ZNF808: variants seen among roughly 807,000 people sequenced by gnomAD.
ZNF808 encodes the protein zinc finger protein 808.
Under a neutral mutation model 8.7 loss-of-function variants are expected in ZNF808, and 5 were observed. That is an observed-to-expected ratio of 0.58 (90% CI 0.30 to 1.21). The LOEUF (loss-of-function observed/expected upper bound fraction) is 1.21, where lower values mean the gene tolerates loss of function less well. Among genes scored for constraint, ZNF808 ranks in the 50% most tolerant of loss-of-function variants. The probability of loss-of-function intolerance (pLI) is 0.07; values close to 1 mark genes in which losing one functional copy is unlikely to be tolerated. For missense variants in ZNF808, 1,103 were observed against 1,098.4 expected (o/e 1.00, Z -0.06); for synonymous variants, 380 against 366.0 (o/e 1.04, Z -0.44).
At chr19:52,535,662 G>A (rs1329693047) in intron 2 of ZNF808, among the ~76,000 whole-genome samples, 3 of 152,224 alleles carry the variant, frequency 2.0e-5, no homozygotes, top group East Asian at 1.9e-4. Flanking sequence ...GAATAGAAAG[G>A]GGGAGGATTT....
chr19:52,553,165 A>C lies in ZNF808; in HGVS notation c.249A>C (p.Glu83Asp). The C allele has an allele frequency of 6.2e-7, 1 of 1,604,264 alleles. No individual in the cohort carries two copies. Among genetic ancestry groups the C allele is most frequent in the Non-Finnish European group, 8.5e-7 (1 of 1,176,520 alleles). The change falls in exon 5 of 5, where the codon GAA becomes GAC. Residue 83 changes from glutamate (E) to aspartate (D), a missense_variant. By Grantham distance (45) the Glu-to-Asp change is conservative. Coordinates refer to ENST00000359798, the MANE Select transcript of ZNF808 (RefSeq NM_001039886.4). ...TGTCAACAGGGCAAGGCAATAGAGA[A>C]GTGATCCACACAGGGACATTGCAAA... ...EVLSTGQGNR[E>D]VIHTGTLQRH...
rs1401052089 is a variant in ZNF808 at position 52,553,123 on chromosome 19, CATG to C, written c.212_214del (p.Met71del). 4.5e-6 allele frequency: 7 copies of C among 1,560,466 alleles called. No homozygotes were observed. Among genetic ancestry groups the C allele is most frequent in the Non-Finnish European group, 6.0e-6 (7 of 1,158,666 alleles). On this transcript the variant is annotated inframe_deletion, in exon 5 of 5. Transcript: ENST00000359798. ...ATTTTGTAGATATCTCTTCCAAACA[CATG>C]ATGAAGGAGGTCTTGTCAACAGGGC... is the stretch of plus-strand genomic sequence containing the variant.
exon 4 of ZNF808, chr19:52,564,037 G>C (rs1379582065): frequency 1.8e-6 from 1 of 564,828 alleles, no homozygotes; most frequent in Non-Finnish European, 3.2e-6. Flanking sequence ...CTCCTCCTTT[G>C]TCTGCCATCA....
Position 52,564,337 on chromosome 19 carries a change from T to G in ZNF808, c.*1442T>G, listed in dbSNP as rs966300215. ...CATCTGGAGACTTGGACATGTTTTA[T>G]TGGGAATATATTTTTTTCTCTCTGA... On this transcript the variant is annotated 3_prime_UTR_variant and NMD_transcript_variant, in exon 4 of 4. Transcript: ENST00000487863. The G allele has an allele frequency of 6.9e-6, 4 of 576,062 alleles. No homozygotes were observed. The African/African-American group carries it at 7.7e-5, about 11-fold the overall frequency. The allele number at this position is 576,062 out of a possible 1,614,324, so 35.7% of individuals were successfully genotyped here.
At chr19:52,539,978 G>A (rs2059654741) in intron 2 of ZNF808, among the ~76,000 whole-genome samples, 1 of 151,994 alleles carries the variant, frequency 6.6e-6, no homozygotes, top group Non-Finnish European at 1.5e-5. Flanking sequence ...CGGAGTAGCT[G>A]GGGCCACAGA....
At chr19:52,531,733 G>C (rs2059563587) in intron 1 of ZNF808, among the ~76,000 whole-genome samples, 1 of 144,334 alleles carries the variant, frequency 6.9e-6, no homozygotes, top group Non-Finnish European at 1.5e-5. Context: ...AATTTTCCCA[G>C]TACACATTCT....
chr19:52,563,978 A>C (rs1448048578), exon 4 of ZNF808: 6 of 373,108 alleles, frequency 1.6e-5, no homozygotes, highest in East Asian at 1.7e-4. Flanking sequence ...CCTGGGCAAC[A>C]AGAGCAAACC....
At chr19:52,538,232 G>A (rs977834429) in intron 2 of ZNF808, among the ~76,000 whole-genome samples, 2 of 135,662 alleles carry the variant, frequency 1.5e-5, no homozygotes, top group African/African-American at 5.8e-5. Flanking sequence ...TATGTTTCCC[G>A]GGGTGGTCTC....
intron 1 of ZNF808, among the ~76,000 whole-genome samples, chr19:52,529,475 T>A (rs1174984978): frequency 6.6e-6 from 1 of 152,202 alleles, no homozygotes; most frequent in East Asian, 1.9e-4. Context: ...CTGTATATAA[T>A]CTAATAACTA....
At chr19:52,565,775 C>T (rs567362167), downstream of ZNF808, among the ~76,000 whole-genome samples, 48 of 152,242 alleles carry the variant, frequency 3.2e-4, no homozygotes, top group African/African-American at 1.1e-3. Flanking sequence ...CCTGGAAGCC[C>T]GCAATTCCAG....
chr19:52,557,021 G>T (rs947119049), downstream of ZNF808, among the ~76,000 whole-genome samples: 6 of 152,046 alleles, frequency 3.9e-5, no homozygotes, highest in African/African-American at 1.4e-4. Context: ...CGCCTTGGAT[G>T]GAGTGCAGTG....
chr19:52,536,661 C>T (rs1016328894), intron 2 of ZNF808, among the ~76,000 whole-genome samples: 10 of 152,064 alleles, frequency 6.6e-5, no homozygotes, highest in African/African-American at 2.2e-4. Flanking sequence ...CGCTTCTCCG[C>T]GATGCGGGTG....
intron 1 of ZNF808, among the ~76,000 whole-genome samples, chr19:52,529,521 A>C (rs1322759320): frequency 6.6e-6 from 1 of 152,166 alleles, no homozygotes; most frequent in Non-Finnish European, 1.5e-5. Flanking sequence ...GAGAATTTTA[A>C]AATTGGTGTC....
At chr19:52,565,081 G>A (rs329946), downstream of ZNF808, among the ~76,000 whole-genome samples, 2,454 of 152,000 alleles carry the variant, frequency 0.016, 80 homozygotes, top group African/African-American at 0.057. Context: ...GTGAGACTCC[G>A]TCTCAAAAAA....
At chr19:52,533,881 A>G (rs1470158566) in intron 2 of ZNF808, among the ~76,000 whole-genome samples, 3 of 150,972 alleles carry the variant, frequency 2.0e-5, no homozygotes, top group Non-Finnish European at 3.0e-5. Context: ...AAGCAACAAG[A>G]TAGATTGTAC....
At chr19:52,564,814 C>T (rs1378628650), downstream of ZNF808, among the ~76,000 whole-genome samples, 1 of 152,002 alleles carries the variant, frequency 6.6e-6, no homozygotes, top group Non-Finnish European at 1.5e-5. Flanking sequence ...AGGCAGGGTG[C>T]GATGGCTCAC....
intron 2 of ZNF808, among the ~76,000 whole-genome samples, chr19:52,535,804 G>T (rs984104882): frequency 2.0e-5 from 3 of 152,186 alleles, no homozygotes; most frequent in African/African-American, 7.2e-5. Flanking sequence ...AGCCTTCCTG[G>T]CCGCTCTCAC....
intron 2 of ZNF808, among the ~76,000 whole-genome samples, chr19:52,538,423 C>G (rs3960293): frequency 2.0e-5 from 3 of 149,798 alleles, no homozygotes; most frequent in African/African-American, 7.4e-5. Context: ...GCTAATGACT[C>G]TCTGTGCCTT....
intron 3 of ZNF808, among the ~76,000 whole-genome samples, chr19:52,546,642 C>CTTTTTTT (rs67940309): frequency 3.0e-5 from 3 of 98,800 alleles, no homozygotes; most frequent in African/African-American, 4.0e-5. Context: ...CCTGTGTTTG[C>CTTTTTTT]TTTTTTTTTT....
Sources: gnomAD v4.1 joint callset for allele counts (sites outside exome capture counted in the v4.1 genomes callset) on GRCh38, gnomAD v4.1.1 for gene constraint, MANE v1.5 for transcripts, NCBI Gene and HGNC (gene_info 2026-07-23, HGNC 2026-07-21) for gene names.